The following UBE2L3 variants were observed in gnomAD, a reference collection of about 807,000 sequenced individuals.
The protein encoded by UBE2L3 is ubiquitin-conjugating enzyme E2 L3.
A neutral mutation model predicts 17.8 loss-of-function variants in UBE2L3; 1 was observed. That is an observed-to-expected ratio of 0.06 (90% CI 0.02 to 0.27). The LOEUF (loss-of-function observed/expected upper bound fraction) is 0.27. Among genes scored for constraint, UBE2L3 ranks in the 10% least tolerant of loss-of-function variants. The pLI, the probability that UBE2L3 is intolerant of heterozygous loss-of-function variation, is 1.00. For missense variants in UBE2L3, 40 were observed against 192.6 expected (o/e 0.21, Z 4.69); for synonymous variants, 44 against 68.5 (o/e 0.64, Z 1.76).
At chr22:21,599,164 G>A (rs532510149) in intron 2 of UBE2L3, among the ~76,000 whole-genome samples, 25 of 152,148 alleles carry the variant, frequency 1.6e-4, no homozygotes, top group African/African-American at 6.0e-4. Flanking sequence ...TAAAATCCAC[G>A]CCCTCCGGAT....
chr22:21,614,628 A>G (rs1929671439), intron 3 of UBE2L3: 1 of 1,367,074 alleles, frequency 7.3e-7, no homozygotes. Flanking sequence ...TCAATTCACA[A>G]CCTGTAGCTG....
At chr22:21,556,785 C>T (rs1368684014) in intron 1 of UBE2L3, among the ~76,000 whole-genome samples, 3 of 152,252 alleles carry the variant, frequency 2.0e-5, no homozygotes, top group African/African-American at 7.2e-5. Flanking sequence ...ATAGGCTGGG[C>T]GCAGTGGCCC....
intron 2 of UBE2L3, 42 bp from the exon 3 acceptor site, chr22:21,610,815 A>G: frequency 6.5e-7 from 1 of 1,528,684 alleles, no homozygotes; most frequent in Non-Finnish European, 8.8e-7. Context: ...CCATAGGTTT[A>G]TGAACCATGG....
chr22:21,620,862 C>A (rs1435130610), intron 3 of UBE2L3, among the ~76,000 whole-genome samples: 6 of 152,156 alleles, frequency 3.9e-5, no homozygotes, highest in African/African-American at 1.4e-4. Flanking sequence ...ACCGAAACTT[C>A]CCTGAGCCGA....
intron 2 of UBE2L3, among the ~76,000 whole-genome samples, chr22:21,593,335 G>C (rs1038978012): frequency 1.3e-5 from 2 of 152,210 alleles, no homozygotes; most frequent in Non-Finnish European, 2.9e-5. Context: ...TTTCTCTCTT[G>C]GTTTTGCATT....
chr22:21,567,116 C>G (rs892283872), upstream of UBE2L3, among the ~76,000 whole-genome samples: 8 of 152,102 alleles, frequency 5.3e-5, no homozygotes, highest in African/African-American at 1.9e-4. Flanking sequence ...TCCTATCACC[C>G]AGTTTTCTTC....
At chr22:21,560,058 G>A (rs1926378093) in intron 1 of UBE2L3, among the ~76,000 whole-genome samples, 2 of 152,254 alleles carry the variant, frequency 1.3e-5, no homozygotes, top group Non-Finnish European at 2.9e-5. Context: ...GGTGGCCCTG[G>A]CCCAGCTCCC....
intron 1 of UBE2L3, among the ~76,000 whole-genome samples, chr22:21,589,844 A>G (rs1928162423): frequency 6.6e-6 from 1 of 152,144 alleles, no homozygotes; most frequent in African/African-American, 2.4e-5. Context: ...CGGCAAGGTA[A>G]GTTGGGAGTT....
intron 1 of UBE2L3, among the ~76,000 whole-genome samples, chr22:21,555,775 T>C (rs1444316937): frequency 1.3e-5 from 2 of 148,760 alleles, no homozygotes; most frequent in African/African-American, 2.5e-5. Flanking sequence ...CTATTAAAAA[T>C]ACAAAAATTA....
At chr22:21,601,740 G>A (rs1928870759) in intron 2 of UBE2L3, among the ~76,000 whole-genome samples, 1 of 151,454 alleles carries the variant, frequency 6.6e-6, no homozygotes. Flanking sequence ...GGGAGGCTGA[G>A]GCAGGCGGGT....
At chr22:21,589,350 T>C (rs950743065) in intron 1 of UBE2L3, among the ~76,000 whole-genome samples, 1 of 151,622 alleles carries the variant, frequency 6.6e-6, no homozygotes, top group Non-Finnish European at 1.5e-5. Context: ...GGTTTCACCA[T>C]GTTAGCCAGG....
chr22:21,560,647 C>T (rs1264422070), intron 1 of UBE2L3, among the ~76,000 whole-genome samples: 2 of 150,846 alleles, frequency 1.3e-5, no homozygotes, highest in Non-Finnish European at 2.9e-5. Flanking sequence ...GACGAGGTTT[C>T]ACCACGTTGG....
chr22:21,552,898 TG>T (rs1266018314), intron 1 of UBE2L3, among the ~76,000 whole-genome samples: 1 of 134,738 alleles, frequency 7.4e-6, no homozygotes, highest in African/African-American at 3.0e-5. Context: ...TAATTTTTTT[TG>T]TATTTTCAGT....
chr22:21,560,545 G>C (rs1410469764), intron 1 of UBE2L3, among the ~76,000 whole-genome samples: 7 of 145,350 alleles, frequency 4.8e-5, no homozygotes, highest in Non-Finnish European at 8.9e-5. Context: ...CTGTCTCCTG[G>C]ATTCAAGCGA....
upstream of UBE2L3, among the ~76,000 whole-genome samples, chr22:21,563,020 G>C (rs1378205062): frequency 6.6e-6 from 1 of 151,504 alleles, no homozygotes; most frequent in Admixed American, 6.6e-5. Flanking sequence ...GAAATGGGCG[G>C]ATCAGGAGGT....
intron 2 of UBE2L3, among the ~76,000 whole-genome samples, 196 bp from the exon 3 acceptor site, chr22:21,610,661 C>G (rs1408079808): frequency 2.0e-5 from 3 of 152,120 alleles, no homozygotes; most frequent in African/African-American, 4.8e-5. Flanking sequence ...ATCTCAAGCC[C>G]CTTCTCAGTT....
At chr22:21,577,597 A>G (rs988705813) in intron 1 of UBE2L3, among the ~76,000 whole-genome samples, 3 of 152,190 alleles carry the variant, frequency 2.0e-5, no homozygotes, top group Admixed American at 2.0e-4. Flanking sequence ...GCCAGGCCCA[A>G]CATCAAGGTC....
chr22:21,610,727 G>A, intron 2 of UBE2L3, 130 bp from the exon 3 acceptor site: 1 of 1,029,782 alleles, frequency 9.7e-7, no homozygotes, highest in South Asian at 2.1e-5. Context: ...CCTGAAGGTG[G>A]CAGGGCTTCA....
intron 1 of UBE2L3, among the ~76,000 whole-genome samples, chr22:21,575,631 C>CTTTTTTTTTTTTT (rs533923826): frequency 2.7e-5 from 2 of 73,394 alleles, no homozygotes; most frequent in Admixed American, 1.9e-4. Context: ...AGTTGAATAG[C>CTTTTTTTTTTTTT]TTTTTTTTTT....
Sources: allele counts gnomAD v4.1 joint callset (sites outside exome capture counted in the v4.1 genomes callset), GRCh38; gene constraint gnomAD v4.1.1; transcripts MANE v1.5; gene names NCBI Gene and HGNC (gene_info 2026-07-23, HGNC 2026-07-21).